The following CCDC60 variants were observed in gnomAD, a reference collection of about 807,000 sequenced individuals.
The protein encoded by CCDC60 is coiled-coil domain containing 60, also known as coiled-coil domain-containing protein 60.
In CCDC60, 54 loss-of-function variants were observed where a neutral mutation model predicts 63.5. The ratio of observed to expected loss-of-function variants is 0.85; its 90% CI spans 0.68 to 1.07. The LOEUF (loss-of-function observed/expected upper bound fraction) is 1.07, where lower values mean the gene tolerates loss of function less well. Ranked by LOEUF, CCDC60 falls within the 50% of genes least tolerant of loss-of-function variation. CCDC60 has a pLI of 0.00. For synonymous variants in CCDC60, 206 were observed against 238.8 expected (o/e 0.86, Z 1.27); for missense variants, 651 against 684.3 (o/e 0.95, Z 0.54).
intron 4 of CCDC60, among the ~76,000 whole-genome samples, chr12:119,481,598 C>CTT (rs141610170): frequency 1.3e-5 from 2 of 151,416 alleles, no homozygotes; most frequent in Non-Finnish European, 1.5e-5. Context: ...CAACAGGAAT[C>CTT]TTTTTTTTTA....
intron 1 of CCDC60, among the ~76,000 whole-genome samples, chr12:119,421,360 G>A (rs543760753): frequency 6.6e-5 from 10 of 152,210 alleles, no homozygotes; most frequent in South Asian, 4.1e-4. Context: ...GCTAGCAACC[G>A]CTACCCCTCA....
Position 119,343,660 on chromosome 12 carries a change from C to CTATATATA in CCDC60, c.90+8412_90+8419dup, listed in dbSNP as rs60934414. On this transcript the variant is annotated intron_variant, in intron 1 of 13. Transcript: ENST00000327554. ...TAACAAGTACCAAAAGAAAGGCAAA[C>CTATATATA]TATATATATATATATATATATATAT... Among the ~76,000 whole-genome samples, 67 of 141,118 alleles carry CTATATATA rather than the reference C, an allele frequency of 4.7e-4. 1 individual carries two copies. The highest frequency in any genetic ancestry group is 2.5e-3 in the East Asian group (12 of 4,816). The allele number at this position is 141,118 out of a possible 152,430, so 92.6% of individuals were successfully genotyped here.
At chr12:119,387,899 A>G (rs985283319) in intron 1 of CCDC60, 5 of 152,190 alleles carry the variant, frequency 3.3e-5, no homozygotes, top group African/African-American at 1.2e-4. Flanking sequence ...TACATTGCCT[A>G]TTTGGACACA....
chr12:119,439,607 A>G (rs1056390137), intron 2 of CCDC60, among the ~76,000 whole-genome samples: 3 of 152,222 alleles, frequency 2.0e-5, no homozygotes, highest in African/African-American at 2.4e-5. Flanking sequence ...TCCATAAGCA[A>G]ACAGGTCATC....
chr12:119,342,880 G>A (rs1955546665), intron 1 of CCDC60, among the ~76,000 whole-genome samples: 2 of 152,322 alleles, frequency 1.3e-5, no homozygotes, highest in East Asian at 1.9e-4. Flanking sequence ...GTTTGGTGAG[G>A]CTTAAGGAAA....
rs189146883 is a variant in CCDC60, at chr12:119,494,450, T to C, written c.557+5584T>C. Among the ~76,000 whole-genome samples the C allele has an allele frequency of 7.9e-5, 12 of 152,304 alleles. No individual in the cohort carries two copies. The East Asian group carries it at 1.5e-3, about 20-fold the overall frequency. ...GGGCAGTACAGTTGTCTACGTCTTA[T>C]TGCTTCAGGCTGTCCAGAGAGACAC... On this transcript the variant is annotated intron_variant, in intron 5 of 13. Transcript: ENST00000327554.
Position 119,472,177 on chromosome 12 carries a change from A to G in CCDC60, c.341+13A>G. 2 of 1,612,552 alleles carry G rather than the reference A, an allele frequency of 1.2e-6. No individual in the cohort carries two copies. The highest frequency in any genetic ancestry group is 8.5e-7 in the Non-Finnish European group (1 of 1,179,074). ...ACACCTTATTGAGGTAAGTGGATGCAGTAGCTGTGGCACTGAAGGTTTTGG... is the reference window on the plus strand; with the variant it reads ...ACACCTTATTGAGGTAAGTGGATGCGGTAGCTGTGGCACTGAAGGTTTTGG... On this transcript the variant is annotated intron_variant, in intron 3 of 13. Transcript: ENST00000327554.
intron 1 of CCDC60, among the ~76,000 whole-genome samples, chr12:119,406,757 T>G (rs532346420): frequency 2.6e-5 from 4 of 152,158 alleles, no homozygotes; most frequent in Admixed American, 2.0e-4. Flanking sequence ...AGCCAAGTCT[T>G]GGTGCTCCAG....
intron 1 of CCDC60, among the ~76,000 whole-genome samples, chr12:119,335,860 G>A (rs146334540): frequency 0.075 from 11,258 of 150,940 alleles, 550 homozygotes; most frequent in Middle Eastern, 0.17. Context: ...TGTTTTAGAC[G>A]TGAAGTCCTT....
At chr12:119,428,139 T>G (rs1956932362) in intron 1 of CCDC60, among the ~76,000 whole-genome samples, 2 of 152,180 alleles carry the variant, frequency 1.3e-5, no homozygotes, top group African/African-American at 4.8e-5. Context: ...GATAATTCAT[T>G]CATAAACCTC....
intron 5 of CCDC60, among the ~76,000 whole-genome samples, chr12:119,489,729 C>T (rs1951539488): frequency 1.3e-5 from 2 of 152,076 alleles, no homozygotes; most frequent in African/African-American, 2.4e-5. Flanking sequence ...AGTTCCCCAC[C>T]CCCCGTGCTA....
intron 1 of CCDC60, among the ~76,000 whole-genome samples, chr12:119,379,796 T>G (rs1955989991): frequency 6.6e-6 from 1 of 152,196 alleles, no homozygotes; most frequent in African/African-American, 2.4e-5. Flanking sequence ...AGGGTAGCCC[T>G]TTGGCCATGA....
Position 119,410,779 on chromosome 12 carries a change from G to A in CCDC60, c.91-17904G>A, listed in dbSNP as rs569058012. Among the ~76,000 whole-genome samples, 67 of 152,222 alleles carry A rather than the reference G, an allele frequency of 4.4e-4. No individual in the cohort carries two copies. The highest frequency in any genetic ancestry group is 1.6e-3 in the African/African-American group (66 of 41,480). On this transcript the variant is annotated intron_variant, in intron 1 of 13. Transcript: ENST00000327554. This position sits in a 1 kb window ranked among gnomAD's most constrained non-coding sequence, Gnocchi z 4.0. ...TTTTTTTGAGACAGAGTCTCGCTCT[G>A]TCACTCGGGCTGCAGTGCGGTGGCG...
At chr12:119,349,270 C>T (rs1419627539) in intron 1 of CCDC60, among the ~76,000 whole-genome samples, 1 of 151,688 alleles carries the variant, frequency 6.6e-6, no homozygotes, top group East Asian at 1.9e-4. Flanking sequence ...AAAACATTGA[C>T]TGCATCTTAT....
At chr12:119,507,039 C>T (rs182169613) in intron 7 of CCDC60, among the ~76,000 whole-genome samples, 17 of 152,224 alleles carry the variant, frequency 1.1e-4, no homozygotes, top group Admixed American at 7.8e-4. Context: ...TGGTGTCCAG[C>T]GACAGAACTG....
At position 119,456,767 on chromosome 12, in the gene CCDC60, A is replaced by C. The variant is rs997349946; in HGVS notation, c.171-15227A>C. Among the ~76,000 whole-genome samples the C allele has an allele frequency of 1.3e-5, 2 of 152,196 alleles. No individual in the cohort carries two copies. The highest frequency in any genetic ancestry group is 2.9e-5 in the Non-Finnish European group (2 of 68,028). ...TTCCTGACATTGCCATGGCATTGGT[A>C]AACTGTCATGGCGCTGACAGGAGTG... On this transcript the variant is annotated intron_variant, in intron 2 of 13. Transcript: ENST00000327554. The surrounding 1 kb of genome is among the most constrained non-coding windows in gnomAD (Gnocchi z 4.6).
At chr12:119,480,832 A>T (rs1156895008) in intron 4 of CCDC60, among the ~76,000 whole-genome samples, 1 of 150,784 alleles carries the variant, frequency 6.6e-6, no homozygotes, top group Admixed American at 6.6e-5. Context: ...CATCATCACC[A>T]CCATCATCCT....
intron 13 of CCDC60, among the ~76,000 whole-genome samples, chr12:119,537,556 C>T (rs1207556028): frequency 1.3e-5 from 2 of 152,192 alleles, no homozygotes; most frequent in African/African-American, 4.8e-5. Context: ...GTTTTATCTA[C>T]CTTTGGTCTT....
chr12:119,403,076 G>A (rs923609957), intron 1 of CCDC60, among the ~76,000 whole-genome samples: 2 of 152,180 alleles, frequency 1.3e-5, no homozygotes, highest in Non-Finnish European at 2.9e-5. Flanking sequence ...TTCTCAGGCA[G>A]GCTTTACCAA....
Sources: gnomAD v4.1 joint callset for allele counts (sites outside exome capture counted in the v4.1 genomes callset) on GRCh38, gnomAD v4.1.1 for gene constraint, Gnocchi (gnomAD v3.1) non-coding constraint, MANE v1.5 for transcripts, NCBI Gene and HGNC (gene_info 2026-07-23, HGNC 2026-07-21) for gene names.